Variants in MESD observed in about 807,000 individuals in gnomAD.
The protein encoded by MESD is mesoderm development LRP chaperone.
Under a neutral mutation model 12.9 loss-of-function variants are expected in MESD, and 7 were observed. That is an observed-to-expected ratio of 0.54 (90% CI 0.31 to 1.02). The LOEUF is 1.02. Ranked by LOEUF, MESD falls within the 50% of genes least tolerant of loss-of-function variation. The pLI, the probability that MESD is intolerant of heterozygous loss-of-function variation, is 0.05. For synonymous variants in MESD, 126 were observed against 115.6 expected, an observed-to-expected ratio of 1.09 and a Z score of -0.58; for missense variants, 342 against 296.7, an observed-to-expected ratio of 1.15 and a Z score of -1.12.
intron 3 of MESD, among the ~76,000 whole-genome samples, chr15:80,954,126 C>G (rs1164543977): frequency 1.3e-5 from 2 of 152,152 alleles, no homozygotes; most frequent in East Asian, 3.9e-4. Flanking sequence ...TACTCATGTT[C>G]CAGGGCGTAG....
At chr15:80,962,189 A>C (rs150862065) in intron 3 of MESD, among the ~76,000 whole-genome samples, 13 of 152,310 alleles carry the variant, frequency 8.5e-5, no homozygotes, top group African/African-American at 3.1e-4. Context: ...GGGGTTGCAA[A>C]CCTGGTCTCT....
At chr15:80,973,653 G>A (rs1294745458), downstream of MESD, among the ~76,000 whole-genome samples, 1 of 152,182 alleles carries the variant, frequency 6.6e-6, no homozygotes, top group Non-Finnish European at 1.5e-5. Flanking sequence ...AGAAGGTGGT[G>A]AATCTGCCCC....
chr15:80,949,167 G>C, intron 4 of MESD: 1 of 558,548 alleles, frequency 1.8e-6, no homozygotes, highest in Non-Finnish European at 3.2e-6. Context: ...TCACTTTCCT[G>C]CAGCCTCTTG....
At chr15:80,973,611 C>T (rs1902338445), downstream of MESD, among the ~76,000 whole-genome samples, 5 of 152,250 alleles carry the variant, frequency 3.3e-5, no homozygotes, top group Middle Eastern at 3.4e-3. Flanking sequence ...CTTCTAAGCA[C>T]AAGGACATAA....
exon 4 of MESD, chr15:80,952,270 A>G: frequency 2.2e-6 from 1 of 456,074 alleles, no homozygotes; most frequent in Non-Finnish European, 4.4e-6. Flanking sequence ...AGGGCACCTC[A>G]GGCAGCACTG....
chr15:80,952,172 G>A (rs761706686), exon 4 of MESD: 28 of 456,076 alleles, frequency 6.1e-5, no homozygotes, highest in Non-Finnish European at 1.2e-4. Context: ...TTTGGCTGGA[G>A]GCCAAACACG....
At chr15:80,969,015 C>T (rs967443378) in intron 3 of MESD, among the ~76,000 whole-genome samples, 1 of 151,994 alleles carries the variant, frequency 6.6e-6, no homozygotes, top group East Asian at 1.9e-4. Context: ...ATAGGGAGAC[C>T]CTGTCTCTAC....
chr15:80,977,100 TC>T lies in MESD; in HGVS notation c.*2118del. 6.5e-6 allele frequency: 1 copy of T among 154,370 alleles called. No homozygotes were observed. Among genetic ancestry groups the T allele is most frequent in the Non-Finnish European group, 1.4e-5 (1 of 69,632 alleles). 9.6% of individuals were successfully genotyped at this position (154,370 alleles called of 1,614,324 possible). A position where few individuals can be genotyped will look rare whatever the true frequency, so the allele number is the denominator to read the frequency against. On this transcript the variant is annotated 3_prime_UTR_variant, in exon 3 of 3. Coordinates refer to ENST00000261758, the MANE Select transcript of MESD (RefSeq NM_015154.3). ...CCTGGGCCTGCACTGGGCCCCAGCC[TC>T]CCCGCTGGCCTTCCTGCTGCCTCTC...
At chr15:80,974,945 T>A (rs933587424), downstream of MESD, among the ~76,000 whole-genome samples, 7 of 150,182 alleles carry the variant, frequency 4.7e-5, no homozygotes, top group South Asian at 4.2e-4. Flanking sequence ...AGGAAAAAAA[T>A]TTTTAAATCA....
At chr15:80,950,967 G>C (rs1283231623) in intron 4 of MESD, 1 of 152,698 alleles carries the variant, frequency 6.5e-6, no homozygotes, top group African/African-American at 2.4e-5. Context: ...GGAGCCAACT[G>C]TCAGGGAGGT....
At chr15:80,947,590 G>A (rs758415201) in exon 5 of MESD, 6 of 157,756 alleles carry the variant, frequency 3.8e-5, no homozygotes, top group Non-Finnish European at 7.0e-5. Flanking sequence ...CTTGCTGGCT[G>A]TGCTGGAAGA....
At chr15:80,972,924 A>C (rs1227354640), downstream of MESD, among the ~76,000 whole-genome samples, 1 of 152,206 alleles carries the variant, frequency 6.6e-6, no homozygotes. Context: ...TGGGAGGCTG[A>C]GGCAGGAGAA....
chr15:80,953,395 A>C (rs556972630), intron 3 of MESD, among the ~76,000 whole-genome samples: 7 of 152,300 alleles, frequency 4.6e-5, no homozygotes, highest in African/African-American at 1.7e-4. Flanking sequence ...GACGCACAGC[A>C]AAAGAAGCCA....
chr15:80,965,883 C>A (rs1902166907), intron 3 of MESD, among the ~76,000 whole-genome samples: 2 of 152,168 alleles, frequency 1.3e-5, no homozygotes, highest in Admixed American at 1.3e-4. Context: ...AGCAAACCAA[C>A]ATGGAACGTG....
chr15:80,952,049 A>C (rs1455819122), exon 4 of MESD: 2 of 383,114 alleles, frequency 5.2e-6, no homozygotes, highest in Non-Finnish European at 1.1e-5. Flanking sequence ...GGCCATGTCC[A>C]GAACTTGCTG....
In MESD at chr15:80,981,993, G is replaced by C. The variant is rs748473089; in HGVS notation, c.403C>G (p.Leu135Val). 1.2e-6 allele frequency: 2 copies of C among 1,614,196 alleles called. No homozygotes were observed. The highest frequency in any genetic ancestry group is 1.7e-6 in the Non-Finnish European group (2 of 1,180,030). Residue 135 changes from leucine to valine, a missense_variant, in exon 2 of 3, where the codon CTC becomes GTC. Physicochemically the swap from Leu to Val is conservative, Grantham distance 32. Coordinates refer to ENST00000261758, the MANE Select transcript of MESD (RefSeq NM_015154.3). ...TEKETEEITSLWQGSLFNANY... is the reference protein window; with the variant it reads ...TEKETEEITSVWQGSLFNANY... Reference sequence around the variant, plus strand: ...GCATTGAAAAGGCTGCCCTGCCAGAGGCTCGTAATTTCCTCTGTCTCCTTC... The same window carrying C: ...GCATTGAAAAGGCTGCCCTGCCAGACGCTCGTAATTTCCTCTGTCTCCTTC...
intron 3 of MESD, among the ~76,000 whole-genome samples, chr15:80,962,097 T>A (rs1209267819): frequency 6.6e-6 from 1 of 152,098 alleles, no homozygotes; most frequent in East Asian, 1.9e-4. Flanking sequence ...AGGAGACCCA[T>A]CTCACGTGCA....
chr15:80,947,128 G>A (rs759853815), downstream of MESD: 40 of 1,053,136 alleles, frequency 3.8e-5, no homozygotes, highest in Non-Finnish European at 5.7e-5. Flanking sequence ...GCCTGGCATG[G>A]AGGGTGCTGT....
intron 3 of MESD, among the ~76,000 whole-genome samples, chr15:80,956,661 C>T (rs948962933): frequency 5.9e-5 from 9 of 152,216 alleles, no homozygotes; most frequent in South Asian, 2.1e-4. Flanking sequence ...ACACAGAATT[C>T]GGTGCAAAGC....
Sources: allele counts gnomAD v4.1 joint callset (sites outside exome capture counted in the v4.1 genomes callset), GRCh38; gene constraint gnomAD v4.1.1; transcripts MANE v1.5; gene names NCBI Gene and HGNC (gene_info 2026-07-23, HGNC 2026-07-21).